The following UTRN variants were observed in gnomAD, a reference collection of about 807,000 sequenced individuals.
The protein encoded by UTRN is utrophin, also known as dystrophin-related protein 1.
In UTRN, 283 loss-of-function variants were observed where a neutral mutation model predicts 463.9. The ratio of observed to expected loss-of-function variants is 0.61; its 90% confidence interval spans 0.55 to 0.67. The LOEUF is 0.67. Among genes scored for constraint, UTRN ranks in the 30% least tolerant of loss-of-function variants. The pLI is 0.00. For synonymous variants in UTRN, 1,442 were observed against 1,431.5 expected (o/e 1.01, Z -0.17); for missense variants, 3,922 against 4,084.3 (o/e 0.96, Z 1.08).
At chr6:144,743,189 A>G (rs898273221) in intron 54 of UTRN, among the ~76,000 whole-genome samples, 3 of 152,228 alleles carry the variant, frequency 2.0e-5, no homozygotes, top group African/African-American at 2.4e-5. Flanking sequence ...TATAAAATCA[A>G]TATGGAAGGA....
At chr6:144,605,830 A>G (rs1804788684) in intron 51 of UTRN, among the ~76,000 whole-genome samples, 1 of 152,092 alleles carries the variant, frequency 6.6e-6, no homozygotes, top group African/African-American at 2.4e-5. Context: ...AGCAGAAGAA[A>G]TTATTTTGAG....
chr6:144,637,749 G>A (rs141564482), intron 51 of UTRN, among the ~76,000 whole-genome samples: 19 of 152,138 alleles, frequency 1.2e-4, no homozygotes, highest in African/African-American at 4.6e-4. Context: ...ACTAATTTCT[G>A]CTTTTCTGTT....
rs754869566 is a variant in UTRN, at chr6:144,462,841, T to C, written c.3041T>C (p.Ile1014Thr). 3.1e-6 allele frequency: 5 copies of C among 1,606,518 alleles called. No homozygotes were observed. In the East Asian group the frequency reaches 8.9e-5, roughly 29 times the overall value. ...AAAGATCTACATTTGCTTGAGGAAATTGCTCTCACACTCAGAGCTTTTGAG... is the reference window on the plus strand; with the variant it reads ...AAAGATCTACATTTGCTTGAGGAAACTGCTCTCACACTCAGAGCTTTTGAG... ...VSKDLHLLEE[I>T]ALTLRAFEAD... Residue 1014 changes from isoleucine (I) to threonine (T), a missense_variant, in exon 23 of 75, where the codon ATT becomes ACT. By Grantham distance (89) the Ile-to-Thr change is moderately conservative. Around this residue, in one of 3 missense-constraint regions of UTRN, gnomAD observed 2,349 missense variants for 2,303.8 expected, o/e 1.02. Transcript: ENST00000367545.
chr6:144,478,837 G>A (rs1182966898), intron 25 of UTRN, among the ~76,000 whole-genome samples: 2 of 152,180 alleles, frequency 1.3e-5, no homozygotes, highest in Admixed American at 1.3e-4. Context: ...TCAGTTTGTC[G>A]TTATGGGGAG....
chr6:144,366,754 G>C (rs923404772), intron 2 of UTRN, among the ~76,000 whole-genome samples: 1 of 152,094 alleles, frequency 6.6e-6, no homozygotes, highest in Non-Finnish European at 1.5e-5. Context: ...TATTCCTTTG[G>C]GTTTATACCC....
At chr6:144,726,735 A>G (rs1291224701) in intron 53 of UTRN, among the ~76,000 whole-genome samples, 1 of 152,194 alleles carries the variant, frequency 6.6e-6, no homozygotes, top group African/African-American at 2.4e-5. Flanking sequence ...CTCACCTTCT[A>G]GACAGCCTTA....
intron 73 of UTRN, among the ~76,000 whole-genome samples, chr6:144,842,062 A>T (rs1458094547): frequency 7.1e-6 from 1 of 140,652 alleles, no homozygotes; most frequent in East Asian, 2.3e-4. Flanking sequence ...ATGAGCCGAG[A>T]TCGTGCCACC....
In UTRN at chr6:144,476,681, C is replaced by T. The variant is rs565106313; in HGVS notation, c.3336+1922C>T. On this transcript the variant is annotated intron_variant, in intron 25 of 74. Coordinates refer to ENST00000367545, the MANE Select transcript of UTRN (RefSeq NM_007124.3). ...AATGCTAGGTGGAGAAAACTTTTCA[C>T]AGGGCCTAATGCTGAGGATTGCAGG... 3.9e-5 allele frequency among the ~76,000 whole-genome samples: 6 copies of T among 152,246 alleles called. No homozygotes were observed. The South Asian group carries it at 1.0e-3, about 26-fold the overall frequency.
At chr6:144,336,170 C>T (rs1441783908) in intron 2 of UTRN, among the ~76,000 whole-genome samples, 1 of 152,148 alleles carries the variant, frequency 6.6e-6, no homozygotes, top group East Asian at 1.9e-4. Context: ...GGTGTGTCTG[C>T]TGGGCTGCGG....
intron 50 of UTRN, among the ~76,000 whole-genome samples, chr6:144,561,258 T>TATATACACACACAC (rs1562576053): frequency 1.3e-5 from 1 of 78,800 alleles, no homozygotes; most frequent in East Asian, 3.0e-4. Flanking sequence ...TATATATATA[T>TATATACACACACAC]ATACATACAC....
chr6:144,651,599 C>T (rs1408176663), intron 51 of UTRN, among the ~76,000 whole-genome samples: 1 of 152,140 alleles, frequency 6.6e-6, no homozygotes, highest in Non-Finnish European at 1.5e-5. Flanking sequence ...AATATTTTCT[C>T]ATACAATTAA....
chr6:144,703,822 A>G (rs543044564), intron 53 of UTRN, among the ~76,000 whole-genome samples: 131 of 152,332 alleles, frequency 8.6e-4, no homozygotes, highest in African/African-American at 3.0e-3. Flanking sequence ...CATTTTAAGG[A>G]CTTTTACAAC....
intron 41 of UTRN, among the ~76,000 whole-genome samples, chr6:144,528,422 G>A (rs941148262): frequency 4.6e-5 from 7 of 152,196 alleles, no homozygotes; most frequent in Non-Finnish European, 1.0e-4. Context: ...TTTGGGTAGA[G>A]CATGTCAGAG....
chr6:144,291,808 T>C lies in UTRN; in HGVS notation c.-21T>C. 1 of 1,606,928 alleles carries C rather than the reference T, an allele frequency of 6.2e-7. No homozygotes were observed. Among genetic ancestry groups the C allele is most frequent in the African/African-American group, 1.3e-5 (1 of 74,622 alleles). The stretch of plus-strand genomic sequence containing the variant: ...AAGAGGACTTGGTAAAGTTTTTGGA[T>C]TATCTTGAAACTCTGGCAAGATGGC... On this transcript the variant is annotated 5_prime_UTR_variant, in exon 2 of 75. Transcript: ENST00000367545.
intron 16 of UTRN, 68 bp downstream of exon 16, chr6:144,447,849 G>T: frequency 6.8e-7 from 1 of 1,466,348 alleles, no homozygotes; most frequent in Non-Finnish European, 9.1e-7. Flanking sequence ...GTTCAGGTTA[G>T]TTTTAATTTG....
intron 6 of UTRN, among the ~76,000 whole-genome samples, chr6:144,424,374 T>A (rs955431960): frequency 6.6e-6 from 1 of 152,184 alleles, no homozygotes; most frequent in Non-Finnish European, 1.5e-5. Context: ...TGACGTGGTG[T>A]TCTCCCTGTG....
chr6:144,385,986 G>A (rs888156171), intron 2 of UTRN, among the ~76,000 whole-genome samples: 1 of 152,138 alleles, frequency 6.6e-6, no homozygotes, highest in African/African-American at 2.4e-5. Context: ...TGGGATTATA[G>A]GCATGAGCCA....
intron 62 of UTRN, among the ~76,000 whole-genome samples, chr6:144,793,165 A>T (rs1554396451): frequency 1.3e-5 from 2 of 152,166 alleles, no homozygotes; most frequent in Non-Finnish European, 1.5e-5. Flanking sequence ...AATAAGTTAT[A>T]ATATATATAC....
intron 51 of UTRN, among the ~76,000 whole-genome samples, chr6:144,620,452 A>C (rs564048297): frequency 6.6e-6 from 1 of 152,144 alleles, no homozygotes; most frequent in Admixed American, 6.6e-5. Context: ...GAAAAAAAGC[A>C]TAGCTTCTCA....
Sources: allele counts gnomAD v4.1 joint callset (sites outside exome capture counted in the v4.1 genomes callset), GRCh38; gene constraint gnomAD v4.1.1; regional missense constraint gnomAD v4.1.1; transcripts MANE v1.5; gene names NCBI Gene and HGNC (gene_info 2026-07-23, HGNC 2026-07-21).